TNFRSF9: variants seen among roughly 807,000 people sequenced by gnomAD.
TNFRSF9 encodes the protein TNF receptor superfamily member 9, also known as tumor necrosis factor receptor superfamily member 9.
A neutral mutation model predicts 28.8 loss-of-function variants in TNFRSF9; 16 were observed. The observed-to-expected ratio is 0.55, with a 90% CI of 0.38 to 0.84. The LOEUF (loss-of-function observed/expected upper bound fraction) is 0.84, where lower values mean the gene tolerates loss of function less well. Ranked by LOEUF, TNFRSF9 falls within the 40% of genes least tolerant of loss-of-function variation. The pLI is 0.00. For missense variants in TNFRSF9, 303 were observed against 315.0 expected (o/e 0.96, Z 0.29); for synonymous variants, 131 against 117.0 (o/e 1.12, Z -0.77).
intron 7 of TNFRSF9, among the ~76,000 whole-genome samples, chr1:7,927,764 A>T (rs771129607): frequency 7.2e-5 from 11 of 152,044 alleles, no homozygotes; most frequent in Non-Finnish European, 1.5e-4. Flanking sequence ...GAGACCCAGG[A>T]CTCAGTGAAG....
chr1:7,932,721 GCA>G (rs907395969), intron 7 of TNFRSF9, among the ~76,000 whole-genome samples: 15 of 142,620 alleles, frequency 1.1e-4, no homozygotes, highest in Non-Finnish European at 6.0e-5. Context: ...ACACAGACAC[GCA>G]CACACACACA....
intron 7 of TNFRSF9, among the ~76,000 whole-genome samples, chr1:7,930,702 G>A (rs372195277): frequency 1.3e-5 from 2 of 152,252 alleles, no homozygotes; most frequent in South Asian, 2.1e-4. Flanking sequence ...TCTGGAGTTC[G>A]AGGCTACAGT....
At chr1:7,921,378 C>CAAAAA (rs1639556351) in intron 7 of TNFRSF9, among the ~76,000 whole-genome samples, 2 of 142,520 alleles carry the variant, frequency 1.4e-5, no homozygotes, top group Non-Finnish European at 3.0e-5. Flanking sequence ...CAAAACAAAA[C>CAAAAA]AAAAACAGGC....
In TNFRSF9 at chr1:7,938,733, T is replaced by C. The variant is rs567725192; in HGVS notation, c.196A>G (p.Arg66Gly). 1.2e-6 allele frequency: 2 copies of C among 1,612,132 alleles called. No homozygotes were observed. The highest frequency in any genetic ancestry group is 1.7e-6 in the Non-Finnish European group (2 of 1,178,498). The change falls in exon 3 of 8, where the codon AGG becomes GGG. Residue 66 changes from arginine (R) to glycine (G), a missense_variant. Physicochemically the swap from Arg to Gly is moderately radical, Grantham distance 125 (BLOSUM62 -2). Coordinates refer to ENST00000377507, the MANE Select transcript of TNFRSF9 (RefSeq NM_001561.6). ...TTTGAACTCATACCTTTACACTGCC[T>C]GCATATGTCACAGGTCCTTTGTCCA... ...AGGQRTCDIC[R>G]QCKGVFRTRK...
Position 7,938,842 on chromosome 1 carries a change from A to G in TNFRSF9, c.101-14T>C. The stretch of plus-strand genomic sequence containing the variant: ...CACAGAATGTACCTAAGAAAGGCAG[A>G]CAATAGTGGTACACGTTTGACAATG... On this transcript the variant is annotated splice_polypyrimidine_tract_variant and intron_variant, in intron 2 of 7. Coordinates refer to ENST00000377507, the MANE Select transcript of TNFRSF9 (RefSeq NM_001561.6). The G allele has an allele frequency of 6.3e-7, 1 of 1,582,286 alleles. No homozygotes were observed. Among genetic ancestry groups the G allele is most frequent in the African/African-American group, 1.3e-5 (1 of 74,394 alleles).
intron 3 of TNFRSF9, among the ~76,000 whole-genome samples, 188 bp downstream of exon 3, chr1:7,938,533 T>C (rs1639855380): frequency 6.6e-6 from 1 of 152,234 alleles, no homozygotes; most frequent in South Asian, 2.1e-4. Flanking sequence ...ATGTTTCCTC[T>C]AATATTTAGA....
At chr1:7,929,157 CCTTT>C (rs1261787378) in intron 7 of TNFRSF9, among the ~76,000 whole-genome samples, 8,982 of 64,750 alleles carry the variant, frequency 0.14, 1,316 homozygotes, top group East Asian at 0.65. Flanking sequence ...TTTTCTTTTT[CCTTT>C]TTTTTTTTTT....
intron 7 of TNFRSF9, among the ~76,000 whole-genome samples, chr1:7,927,486 C>T (rs1329678088): frequency 2.6e-5 from 4 of 152,196 alleles, no homozygotes; most frequent in South Asian, 2.1e-4. Context: ...CTTTTATTCC[C>T]GCTTTTGCCC....
intron 7 of TNFRSF9, among the ~76,000 whole-genome samples, chr1:7,930,559 A>G (rs140167341): frequency 3.9e-5 from 6 of 152,226 alleles, no homozygotes; most frequent in Non-Finnish European, 8.8e-5. Context: ...GGAGTTTAAG[A>G]CTGGCCTGGA....
At chr1:7,933,139 T>C (rs892848704) in intron 7 of TNFRSF9, 23 bp downstream of exon 7, 2 of 1,584,456 alleles carry the variant, frequency 1.3e-6, no homozygotes, top group Admixed American at 1.9e-5. Flanking sequence ...GCCAGAGCTG[T>C]AATATGATTA....
chr1:7,930,812 G>GC (rs1639723037), intron 7 of TNFRSF9, among the ~76,000 whole-genome samples: 1 of 152,084 alleles, frequency 6.6e-6, no homozygotes, highest in Non-Finnish European at 1.5e-5. Context: ...AAGTGAGAAC[G>GC]CAGAGGTTTA....
chr1:7,938,665 A>G, intron 3 of TNFRSF9, 56 bp downstream of exon 3: 2 of 1,416,906 alleles, frequency 1.4e-6, no homozygotes, highest in Non-Finnish European at 1.9e-6. Context: ...AATGGGAAAG[A>G]AAAGCTTATC....
chr1:7,925,364 A>C (rs2151413270), intron 7 of TNFRSF9, among the ~76,000 whole-genome samples: 1 of 152,250 alleles, frequency 6.6e-6, no homozygotes, highest in African/African-American at 2.4e-5. Context: ...TTAATTTATT[A>C]TTGAAGAAAG....
intron 1 of TNFRSF9, 60 bp from the exon 2 acceptor site, chr1:7,940,138 G>T (rs750441250): frequency 1.1e-4 from 60 of 552,860 alleles, no homozygotes; most frequent in Non-Finnish European, 1.6e-4. Context: ...TATCTATATT[G>T]CAATCATTAC....
At chr1:7,937,812 C>G in intron 4 of TNFRSF9, 56 bp from the exon 5 acceptor site, 1 of 1,491,668 alleles carries the variant, frequency 6.7e-7, no homozygotes, top group Non-Finnish European at 9.3e-7. Context: ...CATTTTGTAA[C>G]TTTTCCTGTG....
intron 7 of TNFRSF9, among the ~76,000 whole-genome samples, chr1:7,930,472 G>A (rs1639718465): frequency 6.6e-6 from 1 of 152,114 alleles, no homozygotes. Flanking sequence ...ATGGAACTTT[G>A]TTGCAGAGAT....
At chr1:7,929,832 A>C (rs748023382) in intron 7 of TNFRSF9, among the ~76,000 whole-genome samples, 4 of 152,186 alleles carry the variant, frequency 2.6e-5, no homozygotes, top group Admixed American at 6.5e-5. Flanking sequence ...ACACTGTGCC[A>C]ATGTCAATTT....
At chr1:7,928,190 T>C (rs1351365925) in intron 7 of TNFRSF9, among the ~76,000 whole-genome samples, 1 of 152,188 alleles carries the variant, frequency 6.6e-6, no homozygotes, top group Non-Finnish European at 1.5e-5. Flanking sequence ...GAAACTCCGA[T>C]GAGAATGTAA....
rs535422378 is a variant in TNFRSF9 at position 7,919,120 on chromosome 1, T to C, written c.*1715A>G. ...TACCCATTTGCCATGCGATGGCCAA[T>C]GTTCCAAATAGAAGCTGCTCCCTCC... On this transcript the variant is annotated 3_prime_UTR_variant, in exon 8 of 8. Transcript: ENST00000377507. 1.3e-5 allele frequency: 2 copies of C among 152,302 alleles called. No individual in the cohort carries two copies. Among genetic ancestry groups the C allele is most frequent in the South Asian group, 4.1e-4 (2 of 4,834 alleles). The allele number at this position is 152,302 out of a possible 1,614,324, so 9.4% of individuals were successfully genotyped here. A position where few individuals can be genotyped will look rare whatever the true frequency, so the allele number is the denominator to read the frequency against.
Sources: allele counts gnomAD v4.1 joint callset (sites outside exome capture counted in the v4.1 genomes callset), GRCh38; gene constraint gnomAD v4.1.1; transcripts MANE v1.5; gene names NCBI Gene and HGNC (gene_info 2026-07-23, HGNC 2026-07-21).